Variants in RBM28 observed in about 807,000 individuals in gnomAD.
The protein encoded by RBM28 is RNA-binding protein 28.
Under a neutral mutation model 98.3 loss-of-function variants are expected in RBM28, and 78 were observed. That is an observed-to-expected ratio of 0.79 (90% CI 0.66 to 0.96). RBM28 has a LOEUF of 0.96. RBM28 is among the 40% of genes least tolerant of loss of function. RBM28 has a pLI of 0.00. For synonymous variants in RBM28, 306 were observed against 330.9 expected (o/e 0.92, Z 0.82); for missense variants, 838 against 913.0 (o/e 0.92, Z 1.06).
chr7:128,313,187 T>C lies in RBM28; in HGVS notation c.2133A>G (p.Leu711=), dbSNP rs200324061. 3.6e-5 allele frequency: 58 copies of C among 1,613,996 alleles called. No homozygotes were observed. In the East Asian group the frequency reaches 4.2e-4, roughly 12 times the overall value. The change falls in exon 18 of 19, where the codon TTA becomes TTG. Residue 711 remains leucine (L), a synonymous_variant. Transcript: ENST00000223073. The stretch of plus-strand genomic sequence containing the variant: ...CTGCAGAACTCACCTGCTCGGACGA[T>C]AATTGCTGCTTCTCCTGCTTCCACT... ...INQWKQEKQQ[L]SSEQVSRKKA... is the part of the protein sequence containing the mutation.
At position 128,343,833 on chromosome 7, in the gene RBM28, C is replaced by T. The variant is rs1179335948; in HGVS notation, c.-40G>A. Reference sequence around the variant, plus strand: ...CAAAGCGCGTGAGGACGCGAGCAAACTAGGCCGGCGCACGCGAGCCGAAAC... The same window carrying T: ...CAAAGCGCGTGAGGACGCGAGCAAATTAGGCCGGCGCACGCGAGCCGAAAC... On this transcript the variant is annotated 5_prime_UTR_variant, in exon 1 of 19. Transcript: ENST00000223073. 3 of 1,453,994 alleles carry T rather than the reference C, an allele frequency of 2.1e-6. No individual in the cohort carries two copies. The highest frequency in any genetic ancestry group is 2.8e-6 in the Non-Finnish European group (3 of 1,070,582). 90.1% of individuals were successfully genotyped at this position (1,453,994 alleles called of 1,614,324 possible). A position where few individuals can be genotyped will look rare whatever the true frequency, so the allele number is the denominator to read the frequency against.
rs1374762086 is a variant in RBM28, at chr7:128,304,024, T to C, written c.*6773A>G. 6.6e-6 allele frequency: 1 copy of C among 152,002 alleles called. No individual in the cohort carries two copies. Among genetic ancestry groups the C allele is most frequent in the Non-Finnish European group, 1.5e-5 (1 of 67,998 alleles). 9.4% of individuals were successfully genotyped at this position (152,002 alleles called of 1,614,324 possible). A position where few individuals can be genotyped will look rare whatever the true frequency, so the allele number is the denominator to read the frequency against. On this transcript the variant is annotated 3_prime_UTR_variant, in exon 19 of 19. Coordinates refer to ENST00000223073, the MANE Select transcript of RBM28 (RefSeq NM_018077.3). ...AAGCAAGTGGGGACATCTCAAAGAG[T>C]GGGCTGGCCACTCCCAGAACCTGTG...
intron 18 of RBM28, among the ~76,000 whole-genome samples, chr7:128,312,053 C>A (rs1795995946): frequency 6.6e-6 from 1 of 151,940 alleles, no homozygotes; most frequent in Non-Finnish European, 1.5e-5. Context: ...TAAAAATGGG[C>A]AACCAGGTAG....
chr7:128,338,175 G>A (rs1796642332), intron 5 of RBM28, 75 bp downstream of exon 5: 1 of 1,078,876 alleles, frequency 9.3e-7, no homozygotes, highest in Non-Finnish European at 1.4e-6. Context: ...TGAAAATGCA[G>A]AAAGTGGGTT....
At position 128,298,487 on chromosome 7, in the gene RBM28, C is replaced by A. The variant is rs150659971; in HGVS notation, c.*12310G>T. 8.9e-4 allele frequency: 135 copies of A among 152,136 alleles called. 1 individual carries two copies. The highest frequency in any genetic ancestry group is 3.1e-3 in the African/African-American group (127 of 41,496). The allele number at this position is 152,136 out of a possible 1,614,324, so 9.4% of individuals were successfully genotyped here. ...TATGTTGAAATATTGGGGGTGGGTT[C>A]CCCCAATACTTCTGTATTTTTCAGA... On this transcript the variant is annotated 3_prime_UTR_variant, in exon 19 of 19. Transcript: ENST00000223073.
Position 128,308,179 on chromosome 7 carries a change from T to A in RBM28, c.*2618A>T, listed in dbSNP as rs772984246. 3.3e-5 allele frequency: 5 copies of A among 152,178 alleles called. No individual in the cohort carries two copies. The highest frequency in any genetic ancestry group is 7.3e-5 in the Non-Finnish European group (5 of 68,030). 9.4% of individuals were successfully genotyped at this position (152,178 alleles called of 1,614,324 possible). A position where few individuals can be genotyped will look rare whatever the true frequency, so the allele number is the denominator to read the frequency against. On this transcript the variant is annotated 3_prime_UTR_variant, in exon 19 of 19. Coordinates refer to ENST00000223073, the MANE Select transcript of RBM28 (RefSeq NM_018077.3). ...TTAAGAAAGGGAAGATTCAACCTCA[T>A]ATAAAGAACTCTTTAAAGAACTGTA...
At chr7:128,328,944 ATC>A (rs1157436565) in intron 10 of RBM28, among the ~76,000 whole-genome samples, 2 of 148,900 alleles carry the variant, frequency 1.3e-5, no homozygotes, top group Non-Finnish European at 3.0e-5. Flanking sequence ...CCTTATTCAC[ATC>A]TTTTTTTTTT....
At position 128,303,908 on chromosome 7, in the gene RBM28, GTATT is replaced by G. The variant is rs1795815049; in HGVS notation, c.*6885_*6888del. The G allele has an allele frequency of 6.6e-6, 1 of 152,176 alleles. No homozygotes were observed. Among genetic ancestry groups the G allele is most frequent in the Non-Finnish European group, 1.5e-5 (1 of 68,046 alleles). 9.4% of individuals were successfully genotyped at this position (152,176 alleles called of 1,614,324 possible). Reference sequence around the variant, plus strand: ...ACAGCAAAGCTCCCATGACTGGAAAGTATTTAAGCATAAGGAACAGAATAGTTTC... The same window carrying G: ...ACAGCAAAGCTCCCATGACTGGAAAGTAAGCATAAGGAACAGAATAGTTTC... On this transcript the variant is annotated 3_prime_UTR_variant, in exon 19 of 19. Coordinates refer to ENST00000223073, the MANE Select transcript of RBM28 (RefSeq NM_018077.3).
At chr7:128,314,684 C>G (rs1204706314) in intron 17 of RBM28, 80 bp downstream of exon 17, 5 of 1,600,688 alleles carry the variant, frequency 3.1e-6, no homozygotes, top group Non-Finnish European at 4.3e-6. Flanking sequence ...ACAAATGCCA[C>G]AAAGAGAAAA....
intron 15 of RBM28, 95 bp from the exon 16 acceptor site, chr7:128,317,828 A>AC: frequency 6.6e-7 from 1 of 1,509,578 alleles, no homozygotes; most frequent in South Asian, 1.1e-5. Flanking sequence ...CCCCCAACCC[A>AC]CCTTTTTTTT....
In RBM28 at chr7:128,314,820, A is replaced by C; in HGVS notation, c.1989T>G (p.Asp663Glu). The change falls in exon 17 of 19, where the codon GAT (aspartate) becomes GAG (glutamate). Residue 663 changes from aspartate (D) to glutamate (E), a missense_variant. Physicochemically the swap from Asp to Glu is conservative, Grantham distance 45. Transcript: ENST00000223073. ...CCAGGACCTTTCTTCTCTTCTTTCC[A>C]TCAGGCAGCTCCACCTGCTCCACTT... ...KAEVEQVELP[D>E]GKKRRKVLAL... 4 of 1,614,022 alleles carry C rather than the reference A, an allele frequency of 2.5e-6. No individual in the cohort carries two copies. Among genetic ancestry groups the C allele is most frequent in the Non-Finnish European group, 3.4e-6 (4 of 1,179,994 alleles).
At chr7:128,335,522 T>C (rs1466676873) in intron 8 of RBM28, 21 bp downstream of exon 8, 1 of 1,614,120 alleles carries the variant, frequency 6.2e-7, no homozygotes, top group South Asian at 1.1e-5. Flanking sequence ...TCTAAAGACA[T>C]TTATGAAAAT....
chr7:128,314,631 C>T, intron 17 of RBM28, 133 bp downstream of exon 17: 3 of 1,441,712 alleles, frequency 2.1e-6, no homozygotes, highest in Non-Finnish European at 2.9e-6. Flanking sequence ...CGTGTTAACC[C>T]CATGTGTGGG....
chr7:128,336,184 GA>G, intron 6 of RBM28, 142 bp from the exon 7 acceptor site: 1 of 778,090 alleles, frequency 1.3e-6, no homozygotes, highest in South Asian at 1.8e-5. Flanking sequence ...TATAACAGGA[GA>G]AAGTATAAAG....
intron 13 of RBM28, among the ~76,000 whole-genome samples, chr7:128,322,660 G>GTCA (rs1438588207): frequency 6.6e-6 from 1 of 152,108 alleles, no homozygotes; most frequent in Non-Finnish European, 1.5e-5. Context: ...AATTAAATAT[G>GTCA]TCATTATTGC....
At position 128,343,884 on chromosome 7, in the gene RBM28, T is replaced by C. The variant is rs1159134919; in HGVS notation, c.-91A>G. 2 of 856,184 alleles carry C rather than the reference T, an allele frequency of 2.3e-6. No homozygotes were observed. Among genetic ancestry groups the C allele is most frequent in the Non-Finnish European group, 3.5e-6 (2 of 565,072 alleles). The allele number at this position is 856,184 out of a possible 1,614,324, so 53.0% of individuals were successfully genotyped here. On this transcript the variant is annotated 5_prime_UTR_variant, in exon 1 of 19. Transcript: ENST00000223073. ...GCTGGCTTTGGTAGGACAACCAAGC[T>C]CACACGCCGAGAGATTCCGGAAGTG...
rs79291376 is a variant in RBM28 at position 128,341,825 on chromosome 7, C to T, written c.118+1851G>A. 1.4e-3 allele frequency among the ~76,000 whole-genome samples: 212 copies of T among 152,332 alleles called. 8 individuals carry two copies. The East Asian group carries it at 0.037, about 27-fold the overall frequency. On this transcript the variant is annotated intron_variant, in intron 1 of 18. Coordinates refer to ENST00000223073, the MANE Select transcript of RBM28 (RefSeq NM_018077.3). ...CTTTATTTAAAACTTAAAAGTTTTA[C>T]AAATACTTATCCTTTACCATATATG...
chr7:128,317,390 A>G (rs913240041), intron 16 of RBM28, among the ~76,000 whole-genome samples: 2 of 152,222 alleles, frequency 1.3e-5, no homozygotes, highest in African/African-American at 4.8e-5. Context: ...TTTGGCACGT[A>G]CTATCACCAA....
Position 128,328,985 on chromosome 7 carries a change from TTCTGTCTCACAGTCTCGAGTGCAGTGG to T in RBM28, c.1129+1807_1129+1833del, listed in dbSNP as rs1361712219. Among the ~76,000 whole-genome samples the T allele has an allele frequency of 1.3e-4, 20 of 152,184 alleles. 1 individual carries two copies. In the South Asian group the frequency reaches 4.2e-3, roughly 32 times the overall value. On this transcript the variant is annotated intron_variant, in intron 10 of 18. Transcript: ENST00000223073. ...TTTTAAAGAGATGGAGGCGGTCTTG[TTCTGTCTCACAGTCTCGAGTGCAGTGG>T]CAATCATAGCTCACTGAAGCCTCTA...
Sources: gnomAD v4.1 joint callset for allele counts (sites outside exome capture counted in the v4.1 genomes callset) on GRCh38, gnomAD v4.1.1 for gene constraint, MANE v1.5 for transcripts, NCBI Gene and HGNC (gene_info 2026-07-23, HGNC 2026-07-21) for gene names.